Variants in FER observed in about 807,000 individuals in gnomAD.
The protein encoded by FER is tyrosine-protein kinase Fer.
FER carries 63 observed loss-of-function variants against 111.0 expected under a neutral mutation model. The ratio of observed to expected loss-of-function variants is 0.57; its 90% CI spans 0.46 to 0.70. The LOEUF is 0.70. Ranked by LOEUF, FER falls within the 30% of genes least tolerant of loss-of-function variation. The pLI is 0.00. For missense variants in FER, 914 were observed against 954.0 expected (o/e 0.96, Z 0.55); for synonymous variants, 327 against 313.9 (o/e 1.04, Z -0.44).
chr5:109,101,077 A>T (rs1038150423), intron 17 of FER, among the ~76,000 whole-genome samples: 1 of 151,924 alleles, frequency 6.6e-6, no homozygotes, highest in Non-Finnish European at 1.5e-5. Flanking sequence ...ATTTTATGAA[A>T]CTTGTTCTGA....
At chr5:109,104,887 T>C (rs903193082) in intron 17 of FER, among the ~76,000 whole-genome samples, 2 of 151,914 alleles carry the variant, frequency 1.3e-5, no homozygotes, top group East Asian at 3.9e-4. Flanking sequence ...GGACTACAGG[T>C]GCCCGCCACC....
chr5:108,973,493 G>T (rs1354023851), intron 13 of FER, among the ~76,000 whole-genome samples: 1 of 150,620 alleles, frequency 6.6e-6, no homozygotes, highest in Non-Finnish European at 1.5e-5. Context: ...ACTTCTTTTT[G>T]TTTTTTTTTG....
chr5:109,165,303 C>G (rs116700240), intron 17 of FER, among the ~76,000 whole-genome samples: 1,795 of 152,236 alleles, frequency 0.012, 42 homozygotes, highest in African/African-American at 0.04. Flanking sequence ...CTCTATTGCT[C>G]TAATTTGAGT....
intron 5 of FER, among the ~76,000 whole-genome samples, chr5:108,861,517 GTTGA>G (rs1378805176): frequency 6.6e-6 from 1 of 152,042 alleles, no homozygotes; most frequent in Admixed American, 6.6e-5. Context: ...TTTCCTCCTT[GTTGA>G]TTGACATGTA....
At chr5:108,932,877 GTTGT>G (rs1236242642) in intron 10 of FER, among the ~76,000 whole-genome samples, 1 of 150,412 alleles carries the variant, frequency 6.6e-6, no homozygotes, top group Non-Finnish European at 1.5e-5. Context: ...TTTTGATGGG[GTTGT>G]TTGTTTTTTT....
At chr5:109,065,367 C>A (rs1774955218) in intron 16 of FER, among the ~76,000 whole-genome samples, 1 of 152,084 alleles carries the variant, frequency 6.6e-6, no homozygotes, top group South Asian at 2.1e-4. Context: ...TATTCAGATT[C>A]TATTATGTAG....
chr5:109,086,470 A>G, intron 16 of FER, among the ~76,000 whole-genome samples: 1 of 151,494 alleles, frequency 6.6e-6, no homozygotes, highest in Non-Finnish European at 1.5e-5. Flanking sequence ...TATCCATTTT[A>G]TTTAATCTAT....
intron 17 of FER, among the ~76,000 whole-genome samples, chr5:109,102,434 T>G (rs964991329): frequency 2.0e-5 from 3 of 152,118 alleles, no homozygotes; most frequent in African/African-American, 7.2e-5. Context: ...CTGTATATGT[T>G]GAGAAGAATT....
intron 3 of FER, among the ~76,000 whole-genome samples, chr5:108,804,189 C>T (rs1038811070): frequency 5.9e-5 from 9 of 151,920 alleles, no homozygotes; most frequent in Admixed American, 4.6e-4. Context: ...TATTTTGTAT[C>T]CTGATTGTTT....
intron 13 of FER, among the ~76,000 whole-genome samples, chr5:108,983,682 A>G (rs1210410711): frequency 6.6e-6 from 1 of 152,030 alleles, no homozygotes. Flanking sequence ...TGTGGGTGAA[A>G]TTTGACTTTA....
At chr5:108,781,753 A>G (rs1417130712) in intron 2 of FER, among the ~76,000 whole-genome samples, 2 of 152,162 alleles carry the variant, frequency 1.3e-5, no homozygotes, top group Non-Finnish European at 2.9e-5. Flanking sequence ...ATGGGCTGCA[A>G]TTGGTATTTC....
At chr5:108,830,760 G>T (rs1449099861) in intron 3 of FER, 1 of 152,070 alleles carries the variant, frequency 6.6e-6, no homozygotes, top group Non-Finnish European at 1.5e-5. Flanking sequence ...CATGGAGAAG[G>T]GTGTCCTCAG....
chr5:109,048,352 T>C (rs2149915695), intron 16 of FER, among the ~76,000 whole-genome samples: 1 of 152,320 alleles, frequency 6.6e-6, no homozygotes, highest in East Asian at 1.9e-4. Context: ...GTTTTAATGG[T>C]TTAAATGTGT....
chr5:109,011,401 C>T (rs1401500758), intron 13 of FER, among the ~76,000 whole-genome samples: 1 of 152,134 alleles, frequency 6.6e-6, no homozygotes, highest in Admixed American at 6.5e-5. Context: ...AAGGTACTTT[C>T]TGGTTTGTCT....
chr5:108,934,889 A>G (rs1218877104), intron 10 of FER, among the ~76,000 whole-genome samples: 1 of 152,160 alleles, frequency 6.6e-6, no homozygotes, highest in East Asian at 1.9e-4. Context: ...ACTGGATGGG[A>G]AATGAAAGAT....
chr5:109,009,762 C>G (rs1766004036), intron 13 of FER, among the ~76,000 whole-genome samples: 1 of 152,120 alleles, frequency 6.6e-6, no homozygotes, highest in Non-Finnish European at 1.5e-5. Flanking sequence ...GCTGACTTAG[C>G]CTGGATTTAC....
chr5:108,839,972 C>A, intron 5 of FER, among the ~76,000 whole-genome samples: 1 of 152,058 alleles, frequency 6.6e-6, no homozygotes, highest in East Asian at 1.9e-4. Flanking sequence ...CGTCCAGCCC[C>A]AACAAGCAGC....
intron 16 of FER, among the ~76,000 whole-genome samples, chr5:109,053,441 T>A (rs947938210): frequency 6.6e-6 from 1 of 151,604 alleles, no homozygotes; most frequent in African/African-American, 2.4e-5. Flanking sequence ...CAGATACATG[T>A]TTTGAACAAA....
chr5:108,766,497 A>C (rs1752337818), intron 1 of FER, among the ~76,000 whole-genome samples: 1 of 152,224 alleles, frequency 6.6e-6, no homozygotes, highest in Non-Finnish European at 1.5e-5. Context: ...TTAACACTTT[A>C]ATTACATATA....
Sources: gnomAD v4.1 joint callset for allele counts (sites outside exome capture counted in the v4.1 genomes callset) on GRCh38, gnomAD v4.1.1 for gene constraint, MANE v1.5 for transcripts, NCBI Gene and HGNC (gene_info 2026-07-23, HGNC 2026-07-21) for gene names.